PHIP: variants seen among roughly 807,000 people sequenced by gnomAD.
PHIP encodes PH-interacting protein.
PHIP carries 54 observed loss-of-function variants against 236.8 expected under a neutral mutation model. The observed-to-expected ratio is 0.23, with a 90% CI of 0.18 to 0.29. The LOEUF (loss-of-function observed/expected upper bound fraction) is 0.29. Ranked by LOEUF, PHIP falls within the 10% of genes least tolerant of loss-of-function variation. The pLI, the probability that PHIP is intolerant of heterozygous loss-of-function variation, is 1.00. For missense variants in PHIP, 1,370 were observed against 2,190.8 expected (o/e 0.63, Z 7.48); for synonymous variants, 756 against 718.9 (o/e 1.05, Z -0.83).
chr6:78,955,820 T>C, intron 32 of PHIP, 138 bp from the exon 33 acceptor site: 1 of 463,920 alleles, frequency 2.2e-6, no homozygotes, highest in Non-Finnish European at 3.9e-6. Context: ...CTTACTCCAA[T>C]AATTTATGCA....
Position 78,945,352 on chromosome 6 carries a change from A to C in PHIP, c.4776T>G (p.Ser1592=). Residue 1592 remains serine (S), a synonymous_variant, in exon 39 of 40, where the codon TCT becomes TCG. Transcript: ENST00000275034. ...AAAGAGTGGACGCCTTTGGGAGTAC[A>C]GATGACTTCATTTTACGTTTGACTG... is the stretch of plus-strand genomic sequence containing the variant. The part of the protein sequence containing the change: ...EKPVKRKMKS[S]VLPKASTLSK... 6.2e-7 allele frequency: 1 copy of C among 1,613,832 alleles called. No homozygotes were observed. The highest frequency in any genetic ancestry group is 1.7e-4 in the Middle Eastern group (1 of 6,060).
At chr6:79,058,941 T>G (rs981649128) in intron 6 of PHIP, among the ~76,000 whole-genome samples, 4 of 152,104 alleles carry the variant, frequency 2.6e-5, no homozygotes, top group Non-Finnish European at 5.9e-5. Flanking sequence ...AATCCTATTA[T>G]ACCACCTTAG....
At chr6:78,960,638 T>C (rs1419297551) in intron 31 of PHIP, among the ~76,000 whole-genome samples, 1 of 152,016 alleles carries the variant, frequency 6.6e-6, no homozygotes, top group Non-Finnish European at 1.5e-5. Context: ...CTTTAGAAAC[T>C]AAAGTCTAAT....
chr6:78,953,203 C>A (rs1766169266), intron 35 of PHIP, among the ~76,000 whole-genome samples: 1 of 152,078 alleles, frequency 6.6e-6, no homozygotes, highest in African/African-American at 2.4e-5. Context: ...GGGAAACATT[C>A]TTTGTTGTGA....
rs1773439272 is a variant in PHIP at position 78,940,548 on chromosome 6, G to GTTTGTT, written c.*144_*145insAACAAA. 1.5e-4 allele frequency: 12 copies of GTTTGTT among 82,710 alleles called. No homozygotes were observed. Among genetic ancestry groups the GTTTGTT allele is most frequent in the African/African-American group, 6.2e-4 (11 of 17,660 alleles). The allele number at this position is 82,710 out of a possible 1,614,324, so 5.1% of individuals were successfully genotyped here. ...AAGAAGTGAAGTGTCTCGTAAGTTT[G>GTTTGTT]TTTTTTTTTTTTTTTTTTTTTTTGC... On this transcript the variant is annotated 3_prime_UTR_variant, in exon 40 of 40. Transcript: ENST00000275034.
chr6:79,006,592 T>C (rs1483305286), intron 15 of PHIP, among the ~76,000 whole-genome samples: 1 of 152,026 alleles, frequency 6.6e-6, no homozygotes, highest in Non-Finnish European at 1.5e-5. Context: ...ATGAAAGGTA[T>C]ATAAGCCTAT....
intron 4 of PHIP, among the ~76,000 whole-genome samples, chr6:79,062,087 T>C (rs1166561070): frequency 1.3e-5 from 2 of 152,134 alleles, no homozygotes; most frequent in East Asian, 3.8e-4. Flanking sequence ...TGGCATACAG[T>C]AGGTGATAAG....
At chr6:78,994,742 C>A (rs1217758680) in intron 19 of PHIP, among the ~76,000 whole-genome samples, 1 of 152,104 alleles carries the variant, frequency 6.6e-6, no homozygotes, top group Non-Finnish European at 1.5e-5. Context: ...TTGCCACAGC[C>A]ACTACAAGCT....
In PHIP at chr6:78,940,950, C is replaced by A; in HGVS notation, c.5209G>T (p.Val1737Leu). 6.2e-7 allele frequency: 1 copy of A among 1,614,052 alleles called. No homozygotes were observed. The highest frequency in any genetic ancestry group is 8.5e-7 in the Non-Finnish European group (1 of 1,179,962). ...ADLLVPASVK[V>L]LRRSNRKKID... ...TTTTTTCGGTTACTTCTCCTTAACA[C>A]TTTGACACTTGCAGGGACTAGGAGA... Residue 1737 changes from valine (V) to leucine (L), a missense_variant, in exon 40 of 40, where the codon GTG becomes TTG. Around this residue, in one of 14 missense-constraint regions of PHIP, gnomAD observed 309 missense variants for 328.3 expected, o/e 0.94. Transcript: ENST00000275034.
chr6:79,077,647 G>C (rs1774247545), intron 3 of PHIP, 53 bp downstream of exon 3: 1 of 931,224 alleles, frequency 1.1e-6, no homozygotes, highest in Middle Eastern at 5.4e-4. Flanking sequence ...CGGCGCAGCG[G>C]CCCAGAGGCG....
chr6:78,967,653 T>C (rs930023906), intron 27 of PHIP, among the ~76,000 whole-genome samples: 10 of 152,262 alleles, frequency 6.6e-5, no homozygotes, highest in Admixed American at 5.9e-4. Context: ...TATTAACCCA[T>C]AAATTAGAAT....
At chr6:78,974,983 A>T (rs1271740680) in intron 24 of PHIP, among the ~76,000 whole-genome samples, 1 of 151,698 alleles carries the variant, frequency 6.6e-6, no homozygotes, top group Non-Finnish European at 1.5e-5. Context: ...AAACTATTCC[A>T]ATCAATAGAA....
intron 7 of PHIP, among the ~76,000 whole-genome samples, chr6:79,036,320 C>T (rs1390236336): frequency 6.6e-6 from 1 of 152,130 alleles, no homozygotes; most frequent in African/African-American, 2.4e-5. Flanking sequence ...CAATAATCTC[C>T]TCTCGTATCT....
intron 4 of PHIP, among the ~76,000 whole-genome samples, chr6:79,073,042 A>G (rs1365821160): frequency 2.6e-5 from 4 of 152,170 alleles, no homozygotes; most frequent in African/African-American, 4.8e-5. Context: ...GACTCCCTCA[A>G]TACGATTCTG....
At chr6:79,043,827 G>A (rs1173068313) in intron 6 of PHIP, among the ~76,000 whole-genome samples, 2 of 146,858 alleles carry the variant, frequency 1.4e-5, no homozygotes, top group African/African-American at 5.1e-5. Context: ...TTCTAATACA[G>A]GCTTTTTTTT....
chr6:79,053,349 C>T (rs924685835), intron 6 of PHIP, among the ~76,000 whole-genome samples: 1 of 152,036 alleles, frequency 6.6e-6, no homozygotes, highest in Non-Finnish European at 1.5e-5. Flanking sequence ...GTAGGGTTAT[C>T]TTAAAGAGTT....
rs1766575256 is a variant in PHIP at position 78,958,603 on chromosome 6, T to TA, written c.3657-4dup. The TA allele has an allele frequency of 7.8e-6, 12 of 1,539,476 alleles. No individual in the cohort carries two copies. The highest frequency in any genetic ancestry group is 2.3e-5 in the South Asian group (2 of 86,268). ...CCCACATTAGGGAAGAAACCCGCCT[T>TA]AAAAAAACAAAATATAGAAGTTTTA... On this transcript the variant is annotated splice_polypyrimidine_tract_variant and splice_region_variant and intron_variant, in intron 31 of 39. Transcript: ENST00000275034.
chr6:79,006,810 T>C lies in PHIP; in HGVS notation c.1525-2952A>G, dbSNP rs190380744. On this transcript the variant is annotated intron_variant, in intron 15 of 39. Transcript: ENST00000275034. ...AATCAAGTATGCTTGTTATGCATTC[T>C]TTTGGATATATAGAAATAAAGACCA... Among the ~76,000 whole-genome samples, 194 of 152,148 alleles carry C rather than the reference T, an allele frequency of 1.3e-3. 1 individual carries two copies. Among genetic ancestry groups the C allele is most frequent in the African/African-American group, 4.4e-3 (181 of 41,566 alleles).
rs1187923925 is a variant in PHIP at position 78,997,438 on chromosome 6, G to A, written c.2177C>T (p.Pro726Leu). Residue 726 changes from proline (P) to leucine (L), a missense_variant, in exon 19 of 40, where the codon CCC becomes CTC. Transcript: ENST00000275034. Reference sequence around the variant, plus strand: ...CCTGGCTACACCAGCTGATAGCTCGGGTACTACCACCCTTCGACTCCAAGC... The same window carrying A: ...CCTGGCTACACCAGCTGATAGCTCGAGTACTACCACCCTTCGACTCCAAGC... ...LVAWSRRVVV[P>L]ELSAGVASRQ... 3.7e-6 allele frequency: 6 copies of A among 1,613,600 alleles called. No homozygotes were observed. Among genetic ancestry groups the A allele is most frequent in the Non-Finnish European group, 5.1e-6 (6 of 1,179,760 alleles).
Sources: allele counts gnomAD v4.1 joint callset (sites outside exome capture counted in the v4.1 genomes callset), GRCh38; gene constraint gnomAD v4.1.1; regional missense constraint gnomAD v4.1.1; transcripts MANE v1.5; gene names NCBI Gene and HGNC (gene_info 2026-07-23, HGNC 2026-07-21).